Variants in PDE7B observed in about 807,000 individuals in gnomAD.
The protein encoded by PDE7B is 3',5'-cyclic-AMP phosphodiesterase 7B.
Under a neutral mutation model 56.2 loss-of-function variants are expected in PDE7B, and 29 were observed. That is an observed-to-expected ratio of 0.52 (90% CI 0.38 to 0.70). The LOEUF is 0.70. PDE7B is among the 30% of genes least tolerant of loss of function. The pLI, the probability that PDE7B is intolerant of heterozygous loss-of-function variation, is 0.00. For missense variants in PDE7B, 490 were observed against 565.0 expected, an observed-to-expected ratio of 0.87 and a Z score of 1.35; for synonymous variants, 197 against 196.9, an observed-to-expected ratio of 1.00 and a Z score of 0.00.
chr6:136,012,995 C>T (rs887964064), intron 2 of PDE7B, among the ~76,000 whole-genome samples: 2 of 152,042 alleles, frequency 1.3e-5, no homozygotes, highest in African/African-American at 2.4e-5. Context: ...ATAACAAGAC[C>T]ACCAGACGAA....
chr6:135,985,106 C>T (rs910435159), intron 2 of PDE7B, among the ~76,000 whole-genome samples: 1 of 152,160 alleles, frequency 6.6e-6, no homozygotes, highest in Admixed American at 6.5e-5. Flanking sequence ...GTCTGAGCAC[C>T]AGACTTTACA....
chr6:135,880,443 G>A (rs530296371), intron 1 of PDE7B, among the ~76,000 whole-genome samples: 1 of 152,234 alleles, frequency 6.6e-6, no homozygotes, highest in South Asian at 2.1e-4. Flanking sequence ...AGCAGTTAGG[G>A]AAGGAAAATC....
At position 135,851,714 on chromosome 6, in the gene PDE7B, A is replaced by C; in HGVS notation, c.-285A>C. On this transcript the variant is annotated 5_prime_UTR_variant, in exon 1 of 13. Coordinates refer to ENST00000308191, the MANE Select transcript of PDE7B (RefSeq NM_018945.4). ...ACCCAGCCAGTCAGTTGGTCTGGGC[A>C]CTGCAGCAGGCTCGGCTCTGTCCCA... 1.7e-5 allele frequency: 6 copies of C among 352,524 alleles called. No homozygotes were observed. Among genetic ancestry groups the C allele is most frequent in the East Asian group, 4.8e-5 (1 of 20,860 alleles). The allele number at this position is 352,524 out of a possible 1,614,324, so 21.8% of individuals were successfully genotyped here. A position where few individuals can be genotyped will look rare whatever the true frequency, so the allele number is the denominator to read the frequency against.
intron 1 of PDE7B, among the ~76,000 whole-genome samples, chr6:135,915,650 G>A (rs559953506): frequency 7.2e-5 from 11 of 152,190 alleles, no homozygotes; most frequent in Middle Eastern, 3.4e-3. Context: ...CACACACCAC[G>A]TCCAGGTATA....
chr6:136,120,664 G>A (rs898992941), intron 3 of PDE7B, among the ~76,000 whole-genome samples: 26 of 152,260 alleles, frequency 1.7e-4, no homozygotes, highest in South Asian at 1.7e-3. Context: ...GCCAGGTAGA[G>A]AACAGTAGAG....
chr6:136,038,533 A>G, intron 2 of PDE7B: 1 of 1,272,268 alleles, frequency 7.9e-7, no homozygotes, highest in South Asian at 1.3e-5. Flanking sequence ...TTCCAGGTAA[A>G]TTGACCATGG....
rs569012920 is a variant in PDE7B, at chr6:136,134,943, A to G, written c.167-12408A>G. On this transcript the variant is annotated intron_variant, in intron 3 of 12. Coordinates refer to ENST00000308191, the MANE Select transcript of PDE7B (RefSeq NM_018945.4). ...TTTTCCCTTCACTGTCAAGAACATA[A>G]AGGAAAAATGGCAATTGAAAAAAAA... Among the ~76,000 whole-genome samples the G allele has an allele frequency of 8.6e-5, 13 of 151,960 alleles. No homozygotes were observed. In the South Asian group the frequency reaches 2.1e-3, roughly 24 times the overall value.
chr6:135,998,152 AT>A (rs1775597917), intron 2 of PDE7B, among the ~76,000 whole-genome samples: 1 of 152,154 alleles, frequency 6.6e-6, no homozygotes, highest in Non-Finnish European at 1.5e-5. Context: ...ACATAATTAT[AT>A]TTTTTGGAGG....
At chr6:135,853,977 T>A (rs1454434784) in intron 1 of PDE7B, among the ~76,000 whole-genome samples, 2 of 152,196 alleles carry the variant, frequency 1.3e-5, no homozygotes, top group African/African-American at 2.4e-5. Flanking sequence ...TGAAAAGCAC[T>A]TTTGGTGTCA....
chr6:136,108,802 C>A lies in PDE7B; in HGVS notation c.154C>A (p.Arg52Ser). ...RRGSYPFIDFRLLNSTTYSGE... is the reference protein window; with the variant it reads ...RRGSYPFIDFSLLNSTTYSGE... The stretch of plus-strand genomic sequence containing the variant: ...TGGCTCCTACCCATTCATTGACTTC[C>A]GCCTACTTAACAGTGAGTAATCAAG... The change falls in exon 3 of 13, where the codon CGC becomes AGC. Residue 52 changes from arginine to serine, a missense_variant. Arg to Ser is a moderately radical substitution (Grantham distance 110). Transcript: ENST00000308191. The A allele has an allele frequency of 3.8e-6, 6 of 1,595,152 alleles. No homozygotes were observed. In the South Asian group the frequency reaches 6.6e-5, roughly 18 times the overall value.
At chr6:135,893,844 G>A (rs9402773) in intron 1 of PDE7B, among the ~76,000 whole-genome samples, 57 of 152,160 alleles carry the variant, frequency 3.7e-4, no homozygotes, top group Non-Finnish European at 6.0e-4. Flanking sequence ...TTACACCATC[G>A]TCATTGAAGT....
intron 1 of PDE7B, among the ~76,000 whole-genome samples, chr6:135,895,352 G>A (rs752915396): frequency 5.9e-5 from 9 of 152,010 alleles, no homozygotes; most frequent in South Asian, 2.1e-4. Context: ...TTTCTAACAC[G>A]CCAAATGAAA....
intron 1 of PDE7B, among the ~76,000 whole-genome samples, chr6:135,932,246 A>G (rs1313297251): frequency 6.6e-6 from 1 of 152,200 alleles, no homozygotes; most frequent in Non-Finnish European, 1.5e-5. Flanking sequence ...TTGATAGCAC[A>G]ACAGGGTGAC....
intron 3 of PDE7B, 58 bp from the exon 4 acceptor site, chr6:136,147,293 G>A (rs1778431624): frequency 8.7e-7 from 1 of 1,144,852 alleles, no homozygotes; most frequent in South Asian, 1.6e-5. Flanking sequence ...TTTACAGAGT[G>A]GAGAAAATTG....
chr6:136,162,313 A>T (rs1778718312), intron 8 of PDE7B: 1 of 152,164 alleles, frequency 6.6e-6, no homozygotes, highest in Admixed American at 6.5e-5. Context: ...GGAAGCAAAC[A>T]CGTCCTTCTT....
intron 2 of PDE7B, among the ~76,000 whole-genome samples, chr6:136,030,669 C>T (rs1378926856): frequency 6.6e-6 from 1 of 152,200 alleles, no homozygotes; most frequent in Non-Finnish European, 1.5e-5. Flanking sequence ...CATGGAAAGA[C>T]TACTTTACAT....
At chr6:135,867,357 A>G (rs1369938183) in intron 1 of PDE7B, among the ~76,000 whole-genome samples, 1 of 152,200 alleles carries the variant, frequency 6.6e-6, no homozygotes, top group Non-Finnish European at 1.5e-5. Context: ...TTTTAATAAT[A>G]TATGTTACTA....
At chr6:135,979,514 T>C (rs1298055177) in intron 2 of PDE7B, among the ~76,000 whole-genome samples, 3 of 151,948 alleles carry the variant, frequency 2.0e-5, no homozygotes, top group African/African-American at 4.8e-5. Flanking sequence ...TCCTGGACTC[T>C]TTTTGGTTGG....
intron 1 of PDE7B, among the ~76,000 whole-genome samples, chr6:135,877,054 A>G (rs1775509078): frequency 6.7e-6 from 1 of 150,020 alleles, no homozygotes; most frequent in African/African-American, 2.5e-5. Context: ...TCTCATTTCT[A>G]GAAGATACAT....
Sources: allele counts gnomAD v4.1 joint callset (sites outside exome capture counted in the v4.1 genomes callset), GRCh38; gene constraint gnomAD v4.1.1; transcripts MANE v1.5; gene names NCBI Gene and HGNC (gene_info 2026-07-23, HGNC 2026-07-21).